USP4: variants seen among roughly 807,000 people sequenced by gnomAD.
The protein encoded by USP4 is ubiquitin carboxyl-terminal hydrolase 4.
A neutral mutation model predicts 118.2 loss-of-function variants in USP4; 72 were observed. The observed-to-expected ratio is 0.61, with a 90% CI of 0.50 to 0.74. The LOEUF (loss-of-function observed/expected upper bound fraction) is 0.74. USP4 is among the 30% of genes least tolerant of loss of function. The probability of loss-of-function intolerance (pLI) is 0.00; values close to 1 mark genes in which losing one functional copy is unlikely to be tolerated. For missense variants in USP4, 1,037 were observed against 1,185.7 expected, an observed-to-expected ratio of 0.87 and a Z score of 1.84; for synonymous variants, 415 against 440.4, an observed-to-expected ratio of 0.94 and a Z score of 0.72.
chr3:49,331,017 CA>C lies in USP4; in HGVS notation c.230-3202del, dbSNP rs1239637192. Among the ~76,000 whole-genome samples the C allele has an allele frequency of 3.2e-3, 368 of 115,720 alleles. 1 individual carries two copies. Among genetic ancestry groups the C allele is most frequent in the East Asian group, 3.8e-3 (15 of 3,922 alleles). The allele number at this position is 115,720 out of a possible 152,430, so 75.9% of individuals were successfully genotyped here. A position where few individuals can be genotyped will look rare whatever the true frequency, so the allele number is the denominator to read the frequency against. ...TGGGTGACAGAGCAAGACTCCGTCTCAAAAAAAAAAAAAATATTGGGAGGCC... is the reference window on the plus strand; with the variant it reads ...TGGGTGACAGAGCAAGACTCCGTCTCAAAAAAAAAAAAATATTGGGAGGCC... On this transcript the variant is annotated intron_variant, in intron 2 of 21. Transcript: ENST00000265560.
At chr3:49,303,009 C>T (rs1049950321) in intron 9 of USP4, among the ~76,000 whole-genome samples, 2 of 152,150 alleles carry the variant, frequency 1.3e-5, no homozygotes, top group African/African-American at 4.8e-5. Flanking sequence ...GGTCCCCAGT[C>T]GCAGCATTAG....
rs138821848 is a variant in USP4 at position 49,284,095 on chromosome 3, T to C, written c.2432A>G (p.Lys811Arg). 1.9e-6 allele frequency: 3 copies of C among 1,614,240 alleles called. No individual in the cohort carries two copies. The African/African-American group carries it at 4.0e-5, about 22-fold the overall frequency. ...CTTGGGCAAGGACCATAGGTCAAAC[T>C]TTTTTGTGGCCTGTTGATGCTTCTT... ...NCKKHQQATK[K>R]FDLWSLPKIL... Residue 811 changes from lysine (K) to arginine (R), a missense_variant, in exon 19 of 22, where the codon AAG becomes AGG. By Grantham distance (26) the Lys-to-Arg change is conservative. This residue lies in a region of USP4 where 522 missense variants were observed against 592.6 expected (regional missense o/e 0.88). Transcript: ENST00000265560.
intron 6 of USP4, among the ~76,000 whole-genome samples, chr3:49,319,862 C>T (rs1041213809): frequency 4.0e-5 from 6 of 151,604 alleles, no homozygotes; most frequent in Non-Finnish European, 8.8e-5. Flanking sequence ...GTGATCCACC[C>T]ACCTCCGCCT....
chr3:49,295,595 C>T (rs2047196335), intron 13 of USP4, among the ~76,000 whole-genome samples: 3 of 152,008 alleles, frequency 2.0e-5, no homozygotes, highest in Admixed American at 2.0e-4. Flanking sequence ...TATCCTGGAA[C>T]AGATGTTACC....
intron 6 of USP4, 132 bp downstream of exon 6, chr3:49,324,570 G>C (rs1224043866): frequency 5.9e-6 from 5 of 844,336 alleles, no homozygotes; most frequent in Non-Finnish European, 9.7e-6. Context: ...CCAGAAGCAT[G>C]AACTCTGGAT....
In USP4 at chr3:49,301,056, C is replaced by T. The variant is rs369981580; in HGVS notation, c.1288-365G>A. On this transcript the variant is annotated intron_variant, in intron 10 of 21. Transcript: ENST00000265560. ...CGGACTCAAAGCGATCTTCCTGCCTCAGACTCCCAAGTAGCTAGGACTATA... is the reference window on the plus strand; with the variant it reads ...CGGACTCAAAGCGATCTTCCTGCCTTAGACTCCCAAGTAGCTAGGACTATA... Among the ~76,000 whole-genome samples the T allele has an allele frequency of 1.2e-4, 18 of 152,222 alleles. No homozygotes were observed. The East Asian group carries it at 2.5e-3, about 21-fold the overall frequency.
At chr3:49,325,267 G>A (rs1034366505) in intron 4 of USP4, among the ~76,000 whole-genome samples, 1 of 151,916 alleles carries the variant, frequency 6.6e-6, no homozygotes, top group Non-Finnish European at 1.5e-5. Context: ...CATTTATGGC[G>A]CAAAAGCAAC....
intron 6 of USP4, among the ~76,000 whole-genome samples, chr3:49,324,166 T>C (rs2047528192): frequency 6.6e-6 from 1 of 152,040 alleles, no homozygotes; most frequent in Admixed American, 6.6e-5. Flanking sequence ...GCCTAGCTAA[T>C]TTTTGTATTT....
intron 13 of USP4, among the ~76,000 whole-genome samples, chr3:49,295,288 CAAAAAAAAA>C (rs34296887): frequency 8.4e-5 from 1 of 11,928 alleles, no homozygotes; most frequent in African/African-American, 2.7e-4. Context: ...GACTCCATCT[CAAAAAAAAA>C]AAAAAAAAAA....
At chr3:49,300,387 T>C (rs1176569047) in intron 11 of USP4, 80 bp downstream of exon 11, 1 of 1,338,012 alleles carries the variant, frequency 7.5e-7, no homozygotes, top group East Asian at 2.3e-5. Flanking sequence ...AGGCAGCCAA[T>C]GCAGCAGATA....
intron 1 of USP4, among the ~76,000 whole-genome samples, chr3:49,338,476 T>C (rs545627694): frequency 2.0e-5 from 3 of 150,556 alleles, no homozygotes; most frequent in East Asian, 2.0e-4. Context: ...CTGACCAAAA[T>C]GGAGAAACCC....
intron 15 of USP4, among the ~76,000 whole-genome samples, chr3:49,289,052 C>T (rs2047127127): frequency 6.6e-6 from 1 of 151,512 alleles, no homozygotes; most frequent in African/African-American, 2.4e-5. Flanking sequence ...CGGAGGTTGC[C>T]GTGAGCTGAG....
At chr3:49,309,088 A>C (rs2047353004) in intron 8 of USP4, among the ~76,000 whole-genome samples, 1 of 151,676 alleles carries the variant, frequency 6.6e-6, no homozygotes, top group Non-Finnish European at 1.5e-5. Flanking sequence ...TAGGTAGAAA[A>C]CAACAGAAGC....
At chr3:49,311,438 C>T (rs1294298384) in intron 7 of USP4, 76 bp downstream of exon 7, 8 of 1,523,238 alleles carry the variant, frequency 5.3e-6, no homozygotes, top group Non-Finnish European at 4.5e-6. Context: ...CTTAGTGGAG[C>T]AGCAGATGAG....
chr3:49,285,896 C>T (rs909960261), intron 16 of USP4, among the ~76,000 whole-genome samples: 4 of 152,102 alleles, frequency 2.6e-5, no homozygotes, highest in African/African-American at 9.7e-5. Flanking sequence ...CTGAGGTCAT[C>T]GAGGACTGAG....
At chr3:49,311,160 C>T (rs1183640042) in intron 7 of USP4, among the ~76,000 whole-genome samples, 2 of 118,510 alleles carry the variant, frequency 1.7e-5, no homozygotes, top group East Asian at 9.1e-4. Flanking sequence ...GCCTGAAATG[C>T]CTGGAGAAAG....
At chr3:49,326,883 G>C (rs1182812298) in intron 3 of USP4, among the ~76,000 whole-genome samples, 4 of 150,856 alleles carry the variant, frequency 2.7e-5, no homozygotes, top group South Asian at 2.1e-4. Context: ...TGGATTTTTA[G>C]CAGAGACGAG....
chr3:49,303,581 T>C (rs2047282164), intron 9 of USP4, among the ~76,000 whole-genome samples: 1 of 151,310 alleles, frequency 6.6e-6, no homozygotes, highest in Admixed American at 6.6e-5. Flanking sequence ...CTCGGTCAAA[T>C]GAACCACATC....
chr3:49,301,055 T>C (rs527742820), intron 10 of USP4, among the ~76,000 whole-genome samples: 5 of 152,250 alleles, frequency 3.3e-5, no homozygotes, highest in Non-Finnish European at 7.3e-5. Flanking sequence ...TCTTCCTGCC[T>C]CAGACTCCCA....
Sources: allele counts gnomAD v4.1 joint callset (sites outside exome capture counted in the v4.1 genomes callset), GRCh38; gene constraint gnomAD v4.1.1; regional missense constraint gnomAD v4.1.1; transcripts MANE v1.5; gene names NCBI Gene and HGNC (gene_info 2026-07-23, HGNC 2026-07-21).